The following ANKS1B variants were observed in gnomAD, a reference collection of about 807,000 sequenced individuals.
ANKS1B encodes ankyrin repeat and sterile alpha motif domain containing 1B.
ANKS1B carries 36 observed loss-of-function variants against 148.3 expected under a neutral mutation model. The ratio of observed to expected loss-of-function variants is 0.24; its 90% CI spans 0.19 to 0.32. The LOEUF (loss-of-function observed/expected upper bound fraction) is 0.32, where lower values mean the gene tolerates loss of function less well. ANKS1B is among the 10% of genes least tolerant of loss of function. The probability of loss-of-function intolerance (pLI) is 1.00; values close to 1 mark genes in which losing one functional copy is unlikely to be tolerated. For synonymous variants in ANKS1B, 542 were observed against 560.8 expected, an observed-to-expected ratio of 0.97 and a Z score of 0.47; for missense variants, 1,157 against 1,542.6, an observed-to-expected ratio of 0.75 and a Z score of 4.19.
At chr12:99,678,312 T>A (rs1254172992) in intron 8 of ANKS1B, among the ~76,000 whole-genome samples, 1 of 152,200 alleles carries the variant, frequency 6.6e-6, no homozygotes, top group African/African-American at 2.4e-5. Context: ...TTCTCCTTCC[T>A]AAGTCCCTGG....
intron 17 of ANKS1B, among the ~76,000 whole-genome samples, chr12:98,871,800 G>A (rs1192972694): frequency 6.6e-6 from 1 of 151,968 alleles, no homozygotes; most frequent in African/African-American, 2.4e-5. Flanking sequence ...CAAATTACTG[G>A]AATTTAAGCA....
chr12:99,171,773 C>T (rs1346706263), intron 14 of ANKS1B, among the ~76,000 whole-genome samples: 2 of 152,008 alleles, frequency 1.3e-5, no homozygotes, highest in Non-Finnish European at 2.9e-5. Context: ...TCTTGTTTTC[C>T]CTTCTTTTAA....
intron 14 of ANKS1B, among the ~76,000 whole-genome samples, chr12:99,192,230 T>C (rs371543622): frequency 6.6e-6 from 1 of 152,088 alleles, no homozygotes; most frequent in Admixed American, 6.5e-5. Context: ...CCATTGGCTT[T>C]GATACAAATT....
chr12:99,060,215 A>G (rs933334324), intron 16 of ANKS1B, among the ~76,000 whole-genome samples: 2 of 151,602 alleles, frequency 1.3e-5, no homozygotes, highest in Non-Finnish European at 2.9e-5. Context: ...TTTTTGCCAA[A>G]TGCCTTCCTT....
intron 1 of ANKS1B, among the ~76,000 whole-genome samples, chr12:99,901,365 G>A (rs1016057336): frequency 3.3e-5 from 5 of 152,086 alleles, no homozygotes; most frequent in African/African-American, 9.7e-5. Context: ...TTATCTCAAC[G>A]CCAGCTGTCC....
chr12:99,115,492 G>C (rs190205022), intron 15 of ANKS1B, among the ~76,000 whole-genome samples: 1 of 152,130 alleles, frequency 6.6e-6, no homozygotes, highest in Admixed American at 6.6e-5. Flanking sequence ...GGAGAAGGGA[G>C]AAGAGCAGAA....
At chr12:98,995,915 G>A (rs2099929268) in intron 17 of ANKS1B, among the ~76,000 whole-genome samples, 1 of 152,170 alleles carries the variant, frequency 6.6e-6, no homozygotes, top group South Asian at 2.1e-4. Flanking sequence ...GCGAGAAAGA[G>A]CTTCACAGAC....
chr12:98,764,236 GT>G (rs1445555833), intron 25 of ANKS1B, among the ~76,000 whole-genome samples: 1 of 152,122 alleles, frequency 6.6e-6, no homozygotes, highest in African/African-American at 2.4e-5. Context: ...CTAACTTTTT[GT>G]TTTTTTCAAG....
intron 11 of ANKS1B, among the ~76,000 whole-genome samples, chr12:99,412,374 A>G (rs1205075990): frequency 6.6e-6 from 1 of 152,144 alleles, no homozygotes; most frequent in Non-Finnish European, 1.5e-5. Flanking sequence ...TGGGCAAACA[A>G]CAAAGCTGAT....
rs949520874 is a variant in ANKS1B, at chr12:99,899,972, C to G, written c.135-74583G>C. ...GGAGTGCAGTGGCACGATCTCGGCTCACTGCAACCTCCGCTTCCCGGGTTC... is the reference window on the plus strand; with the variant it reads ...GGAGTGCAGTGGCACGATCTCGGCTGACTGCAACCTCCGCTTCCCGGGTTC... On this transcript the variant is annotated intron_variant, in intron 1 of 26. Coordinates refer to ENST00000683438, the MANE Select transcript of ANKS1B (RefSeq NM_001352186.2). Among the ~76,000 whole-genome samples the G allele has an allele frequency of 2.5e-4, 38 of 151,718 alleles. 1 individual carries two copies. The highest frequency in any genetic ancestry group is 5.9e-5 in the Non-Finnish European group (4 of 67,964).
At chr12:99,829,573 C>T (rs2083661987) in intron 1 of ANKS1B, among the ~76,000 whole-genome samples, 2 of 152,192 alleles carry the variant, frequency 1.3e-5, no homozygotes, top group Admixed American at 1.3e-4. Flanking sequence ...ATGGTGTGAA[C>T]CTGGGAGGCG....
chr12:99,310,638 G>C (rs150900785), intron 12 of ANKS1B, among the ~76,000 whole-genome samples: 4 of 152,180 alleles, frequency 2.6e-5, no homozygotes, highest in African/African-American at 9.6e-5. Flanking sequence ...TGGCTCTCAC[G>C]GTTTTCAGGC....
intron 9 of ANKS1B, among the ~76,000 whole-genome samples, chr12:99,651,640 C>T (rs1360235627): frequency 2.6e-5 from 4 of 152,118 alleles, no homozygotes; most frequent in African/African-American, 9.7e-5. Flanking sequence ...GTAAATATTT[C>T]AATCTGCTTC....
At chr12:99,059,187 T>C (rs1425552047) in intron 16 of ANKS1B, among the ~76,000 whole-genome samples, 1 of 152,236 alleles carries the variant, frequency 6.6e-6, no homozygotes, top group East Asian at 1.9e-4. Context: ...TATTAAAGTC[T>C]GCTTTCAATA....
intron 8 of ANKS1B, among the ~76,000 whole-genome samples, chr12:99,759,241 T>C (rs7486119): frequency 0.44 from 67,168 of 151,702 alleles, 15,228 homozygotes; most frequent in South Asian, 0.61. Flanking sequence ...AGATGGCAGA[T>C]GCAAGAATTC....
At chr12:99,667,683 A>G (rs1051849250) in intron 8 of ANKS1B, among the ~76,000 whole-genome samples, 1 of 152,222 alleles carries the variant, frequency 6.6e-6, no homozygotes, top group Non-Finnish European at 1.5e-5. Flanking sequence ...GTATAATGTT[A>G]GTTAGCTGTG....
intron 9 of ANKS1B, among the ~76,000 whole-genome samples, chr12:99,554,965 CTG>C (rs1249273329): frequency 6.6e-6 from 1 of 152,020 alleles, no homozygotes; most frequent in African/African-American, 2.4e-5. Flanking sequence ...TTTTCTGTTC[CTG>C]TGTTAGTTTG....
At chr12:99,501,762 G>A (rs934565388) in intron 10 of ANKS1B, among the ~76,000 whole-genome samples, 5 of 152,168 alleles carry the variant, frequency 3.3e-5, no homozygotes, top group Admixed American at 6.5e-5. Context: ...AGCAGGTTCA[G>A]TAAGCTCCCC....
intron 9 of ANKS1B, among the ~76,000 whole-genome samples, chr12:99,624,816 CCA>C (rs972770749): frequency 1.3e-5 from 2 of 152,044 alleles, no homozygotes; most frequent in African/African-American, 4.8e-5. Context: ...ACTACTTCTG[CCA>C]CTGTGGGAAA....
Sources: allele counts gnomAD v4.1 joint callset (sites outside exome capture counted in the v4.1 genomes callset), GRCh38; gene constraint gnomAD v4.1.1; transcripts MANE v1.5; gene names NCBI Gene and HGNC (gene_info 2026-07-23, HGNC 2026-07-21).